The following CAPRIN1 variants were observed in gnomAD, a reference collection of about 807,000 sequenced individuals.
CAPRIN1 encodes caprin-1.
A neutral mutation model predicts 100.9 loss-of-function variants in CAPRIN1; 29 were observed. The ratio of observed to expected loss-of-function variants is 0.29; its 90% confidence interval spans 0.21 to 0.39. CAPRIN1 has a LOEUF of 0.39. CAPRIN1 is among the 10% of genes least tolerant of loss of function. The pLI is 1.00. For synonymous variants in CAPRIN1, 338 were observed against 307.5 expected, an observed-to-expected ratio of 1.10 and a Z score of -1.04; for missense variants, 795 against 876.7, an observed-to-expected ratio of 0.91 and a Z score of 1.18.
intron 9 of CAPRIN1, among the ~76,000 whole-genome samples, chr11:34,085,378 C>T (rs1851118525): frequency 6.6e-6 from 1 of 152,044 alleles, no homozygotes; most frequent in South Asian, 2.1e-4. Context: ...GTGCTATGTA[C>T]CAGGTTGTGA....
rs1247867964 is a variant in CAPRIN1, at chr11:34,100,117, ATATT to A, written c.*753_*756del. On this transcript the variant is annotated 3_prime_UTR_variant, in exon 19 of 19. Transcript: ENST00000341394. ...TGGCCGCTTCTGTACTTAATGTGAA[ATATT>A]TAGATACCTTTTTGAACACTTAACA... 6.6e-6 allele frequency: 1 copy of A among 152,624 alleles called. No homozygotes were observed. Among genetic ancestry groups the A allele is most frequent in the East Asian group, 1.9e-4 (1 of 5,202 alleles). 9.5% of individuals were successfully genotyped at this position (152,624 alleles called of 1,614,324 possible). A position where few individuals can be genotyped will look rare whatever the true frequency, so the allele number is the denominator to read the frequency against.
chr11:34,088,624 G>T (rs1187485988), intron 11 of CAPRIN1, among the ~76,000 whole-genome samples: 1 of 152,184 alleles, frequency 6.6e-6, no homozygotes, highest in African/African-American at 2.4e-5. Context: ...AGTTAGCTAT[G>T]ATGGCGCCAC....
In CAPRIN1 at chr11:34,087,483, G is replaced by A. The variant is rs192386158; in HGVS notation, c.1231+1070G>A. On this transcript the variant is annotated intron_variant, in intron 11 of 18. Coordinates refer to ENST00000341394, the MANE Select transcript of CAPRIN1 (RefSeq NM_005898.5). Reference sequence around the variant, plus strand: ...CAAGTAGCTGGGACTACAGGCGCCCGCCACTACACCCGGCTAATTTTTTGT... The same window carrying A: ...CAAGTAGCTGGGACTACAGGCGCCCACCACTACACCCGGCTAATTTTTTGT... Among the ~76,000 whole-genome samples, 148 of 143,534 alleles carry A rather than the reference G, an allele frequency of 1.0e-3. 3 individuals are homozygous for A. In the East Asian group the frequency reaches 0.028, roughly 27 times the overall value. 94.2% of individuals were successfully genotyped at this position (143,534 alleles called of 152,430 possible). A position where few individuals can be genotyped will look rare whatever the true frequency, so the allele number is the denominator to read the frequency against.
chr11:34,098,777 T>TA, intron 18 of CAPRIN1: 1 of 985,050 alleles, frequency 1.0e-6, no homozygotes, highest in Non-Finnish European at 1.2e-6. Flanking sequence ...TAACAGCATG[T>TA]AAAAAGTTAT....
At chr11:34,057,110 T>C (rs546142472) in intron 2 of CAPRIN1, among the ~76,000 whole-genome samples, 1 of 152,338 alleles carries the variant, frequency 6.6e-6, no homozygotes, top group Non-Finnish European at 1.5e-5. Context: ...TCTTAACTAT[T>C]TTATAAGTAA....
At chr11:34,065,891 A>G (rs548867704) in intron 2 of CAPRIN1, among the ~76,000 whole-genome samples, 2 of 152,348 alleles carry the variant, frequency 1.3e-5, no homozygotes, top group East Asian at 3.9e-4. Context: ...TTATAATAGT[A>G]GTGTAGAAAA....
chr11:34,062,160 C>CT lies in CAPRIN1; in HGVS notation c.216+9530dup, dbSNP rs1328842217. On this transcript the variant is annotated intron_variant, in intron 2 of 18. Transcript: ENST00000341394. ...AATTGAGGAAACTTTTGCTTACTAT[C>CT]TTTTTTGTCTTCTGGGGATTTCACT... Among the ~76,000 whole-genome samples the CT allele has an allele frequency of 5.3e-5, 8 of 152,184 alleles. No individual in the cohort carries two copies. The East Asian group carries it at 1.3e-3, about 26-fold the overall frequency.
At chr11:34,069,830 AG>A (rs1850774493) in intron 2 of CAPRIN1, among the ~76,000 whole-genome samples, 1 of 150,652 alleles carries the variant, frequency 6.6e-6, no homozygotes, top group African/African-American at 2.4e-5. Flanking sequence ...GAATTGTGGT[AG>A]GGTTTTCAAT....
chr11:34,077,855 C>T (rs954024086), intron 6 of CAPRIN1, among the ~76,000 whole-genome samples: 4 of 152,118 alleles, frequency 2.6e-5, no homozygotes, highest in Non-Finnish European at 5.9e-5. Flanking sequence ...TTACTCTGGT[C>T]TGTATTTCTT....
At chr11:34,093,309 C>T (rs1277632797) in intron 15 of CAPRIN1, among the ~76,000 whole-genome samples, 1 of 151,762 alleles carries the variant, frequency 6.6e-6, no homozygotes. Flanking sequence ...GTACTGGAGC[C>T]TTTAACTCCC....
rs745967432 is a variant in CAPRIN1, at chr11:34,091,971, G to C, written c.1620G>C (p.Gln540His). The C allele has an allele frequency of 4.3e-6, 7 of 1,613,890 alleles. No individual in the cohort carries two copies. In the East Asian group the frequency reaches 1.6e-4, roughly 36 times the overall value. Residue 540 changes from glutamine to histidine, a missense_variant, in exon 15 of 19, where the codon CAG becomes CAC. Physicochemically the swap from Gln to His is conservative, Grantham distance 24. Transcript: ENST00000341394. ...NEPETLKQQNQYQASYNQSFS... is the reference protein window; with the variant it reads ...NEPETLKQQNHYQASYNQSFS... The stretch of plus-strand genomic sequence containing the variant: ...CAGAAACTTTAAAACAGCAAAATCA[G>C]TACCAGGCCAGTTATAACCAGAGCT...
intron 2 of CAPRIN1, among the ~76,000 whole-genome samples, chr11:34,063,621 ACT>A (rs778368259): frequency 6.6e-6 from 1 of 151,928 alleles, no homozygotes; most frequent in African/African-American, 2.4e-5. Flanking sequence ...CCCCTTAAAG[ACT>A]CTGGGTAATC....
Position 34,099,508 on chromosome 11 carries a change from G to C in CAPRIN1, c.*141G>C. 1 of 692,928 alleles carries C rather than the reference G, an allele frequency of 1.4e-6. No individual in the cohort carries two copies. Among genetic ancestry groups the C allele is most frequent in the Non-Finnish European group, 2.5e-6 (1 of 395,688 alleles). 42.9% of individuals were successfully genotyped at this position (692,928 alleles called of 1,614,324 possible). A position where few individuals can be genotyped will look rare whatever the true frequency, so the allele number is the denominator to read the frequency against. On this transcript the variant is annotated 3_prime_UTR_variant, in exon 19 of 19. Transcript: ENST00000341394. ...GGACTGTTTTCATCCCATAAAGACA[G>C]GACTACAATTGTCAGCTTTCTATTA... is the stretch of plus-strand genomic sequence containing the variant.
At chr11:34,085,800 T>C (rs899226462) in intron 9 of CAPRIN1, among the ~76,000 whole-genome samples, 1 of 151,920 alleles carries the variant, frequency 6.6e-6, no homozygotes, top group African/African-American at 2.4e-5. Context: ...CTAGATTCCG[T>C]CTCGAAAGAA....
At chr11:34,054,905 A>G (rs1189932342) in intron 2 of CAPRIN1, among the ~76,000 whole-genome samples, 1 of 152,214 alleles carries the variant, frequency 6.6e-6, no homozygotes, top group Non-Finnish European at 1.5e-5. Flanking sequence ...TTAGTGATAT[A>G]AAGTGTAGAG....
At position 34,100,300 on chromosome 11, in the gene CAPRIN1, T is replaced by A. The variant is rs1205734545; in HGVS notation, c.*933T>A. On this transcript the variant is annotated 3_prime_UTR_variant, in exon 19 of 19. Coordinates refer to ENST00000341394, the MANE Select transcript of CAPRIN1 (RefSeq NM_005898.5). ...AATCTCTAGTGGATAATCATAACACTCTCGGTCACATGTTTTTCCTTCAGC... is the reference window on the plus strand; with the variant it reads ...AATCTCTAGTGGATAATCATAACACACTCGGTCACATGTTTTTCCTTCAGC... 3 of 152,124 alleles carry A rather than the reference T, an allele frequency of 2.0e-5. No homozygotes were observed. The highest frequency in any genetic ancestry group is 4.4e-5 in the Non-Finnish European group (3 of 68,014). The allele number at this position is 152,124 out of a possible 1,614,324, so 9.4% of individuals were successfully genotyped here. A position where few individuals can be genotyped will look rare whatever the true frequency, so the allele number is the denominator to read the frequency against.
At position 34,089,261 on chromosome 11, in the gene CAPRIN1, ACTCCCCCC is replaced by A. The variant is rs1192426381; in HGVS notation, c.1232-132_1232-125del. On this transcript the variant is annotated intron_variant, in intron 11 of 18. Transcript: ENST00000341394. ...TCCAGCCTGGGTGACAGAGTGAGACACTCCCCCCCCCCCCCCCCCCGCAAAAAAAAAAA... is the reference window on the plus strand; with the variant it reads ...TCCAGCCTGGGTGACAGAGTGAGACACCCCCCCCCCCCGCAAAAAAAAAAA... The A allele has an allele frequency of 3.1e-3, 19 of 6,068 alleles. 3 individuals carry two copies. The highest frequency in any genetic ancestry group is 0.022 in the Admixed American group (4 of 184). 0.4% of individuals were successfully genotyped at this position (6,068 alleles called of 1,614,324 possible). A position where few individuals can be genotyped will look rare whatever the true frequency, so the allele number is the denominator to read the frequency against.
In CAPRIN1 at chr11:34,101,589, G is replaced by A. The variant is rs927371058; in HGVS notation, c.*2222G>A. Among the ~76,000 whole-genome samples, 2 of 152,082 alleles carry A rather than the reference G, an allele frequency of 1.3e-5. No homozygotes were observed. The highest frequency in any genetic ancestry group is 6.6e-5 in the Admixed American group (1 of 15,260). ...TCTATGTATGTTTTTTCAAAGAATTGTTCCTTTTTTTGAACTATAATTTTT... is the reference window on the plus strand; with the variant it reads ...TCTATGTATGTTTTTTCAAAGAATTATTCCTTTTTTTGAACTATAATTTTT... On this transcript the variant is annotated 3_prime_UTR_variant, in exon 19 of 19. Transcript: ENST00000341394.
chr11:34,063,739 TAGAA>T (rs1342528448), intron 2 of CAPRIN1, among the ~76,000 whole-genome samples: 7 of 152,190 alleles, frequency 4.6e-5, no homozygotes, highest in African/African-American at 7.2e-5. Flanking sequence ...AATTTCAAGT[TAGAA>T]AGGATCTAAG....
Sources: gnomAD v4.1 joint callset for allele counts (sites outside exome capture counted in the v4.1 genomes callset) on GRCh38, gnomAD v4.1.1 for gene constraint, MANE v1.5 for transcripts, NCBI Gene and HGNC (gene_info 2026-07-23, HGNC 2026-07-21) for gene names.